Variants in ADAMTS17 observed in about 807,000 individuals in gnomAD.
ADAMTS17 encodes the protein ADAM metallopeptidase with thrombospondin type 1 motif 17.
ADAMTS17 carries 113 observed loss-of-function variants against 141.5 expected under a neutral mutation model. The observed-to-expected ratio is 0.80, with a 90% CI of 0.69 to 0.93. ADAMTS17 has a LOEUF of 0.93. Among genes scored for constraint, ADAMTS17 ranks in the 40% least tolerant of loss-of-function variants. ADAMTS17 has a pLI of 0.00. For missense variants in ADAMTS17, 1,659 were observed against 1,517.9 expected (o/e 1.09, Z -1.54); for synonymous variants, 768 against 630.6 (o/e 1.22, Z -3.27).
chr15:100,065,279 T>G (rs2033436866), intron 15 of ADAMTS17, among the ~76,000 whole-genome samples: 1 of 152,198 alleles, frequency 6.6e-6, no homozygotes, highest in Non-Finnish European at 1.5e-5. Context: ...TATGTACTTT[T>G]AAAAGATCAG....
intron 18 of ADAMTS17, among the ~76,000 whole-genome samples, chr15:100,044,084 C>T (rs2031486955): frequency 1.3e-5 from 2 of 152,288 alleles, no homozygotes; most frequent in East Asian, 1.9e-4. Flanking sequence ...GGCAAAATCA[C>T]GAACTTGATA....
At chr15:100,069,006 A>C (rs981516710) in intron 15 of ADAMTS17, among the ~76,000 whole-genome samples, 1 of 152,338 alleles carries the variant, frequency 6.6e-6, no homozygotes, top group Middle Eastern at 3.4e-3. Context: ...AAAAGATTAC[A>C]TGAATGGCTA....
At chr15:100,319,585 C>T (rs2045668115) in intron 3 of ADAMTS17, among the ~76,000 whole-genome samples, 1 of 152,148 alleles carries the variant, frequency 6.6e-6, no homozygotes, top group Admixed American at 6.5e-5. Context: ...GTGGCACGCA[C>T]CTGTAGTCCC....
intron 18 of ADAMTS17, among the ~76,000 whole-genome samples, chr15:100,038,310 A>C (rs995480350): frequency 2.6e-5 from 4 of 152,208 alleles, no homozygotes; most frequent in African/African-American, 9.7e-5. Context: ...TGAGGACTCC[A>C]ACTTTGTTAT....
intron 12 of ADAMTS17, among the ~76,000 whole-genome samples, chr15:100,126,700 C>T (rs1391065125): frequency 6.6e-6 from 1 of 152,198 alleles, no homozygotes; most frequent in Admixed American, 6.5e-5. Context: ...TTTGGAGGCA[C>T]TGGTATTGCA....
intron 4 of ADAMTS17, among the ~76,000 whole-genome samples, chr15:100,264,717 A>G (rs2043648250): frequency 6.6e-6 from 1 of 152,074 alleles, no homozygotes; most frequent in Non-Finnish European, 1.5e-5. Context: ...CCCATACACC[A>G]TTAGCCCAAA....
At chr15:100,090,111 G>C (rs1004278041) in intron 15 of ADAMTS17, among the ~76,000 whole-genome samples, 3 of 152,004 alleles carry the variant, frequency 2.0e-5, no homozygotes, top group Admixed American at 6.6e-5. Context: ...TTAGGATTGT[G>C]GCACAAAATA....
chr15:100,243,125 A>C (rs1181267705), intron 7 of ADAMTS17, among the ~76,000 whole-genome samples: 1 of 152,188 alleles, frequency 6.6e-6, no homozygotes, highest in Admixed American at 6.5e-5. Flanking sequence ...TAATGTCCTC[A>C]AGGTTCATCC....
rs747636994 is a variant in ADAMTS17, at chr15:100,341,261, G to A, written c.228C>T (p.Pro76=). The change falls in exon 2 of 22, where the codon CCC becomes CCT. Residue 76 remains proline, a synonymous_variant. Coordinates refer to ENST00000268070, the MANE Select transcript of ADAMTS17 (RefSeq NM_139057.4). ...RTPPAAPRAR[P]GERALLLHLP... ...GGTGCAGCAGCAGGGCGCGCTCTCC[G>A]GGCCGGGCGCGCGGGGCGGCTGGGG... The A allele has an allele frequency of 2.3e-5, 30 of 1,294,708 alleles. No homozygotes were observed. Among genetic ancestry groups the A allele is most frequent in the African/African-American group, 3.1e-5 (2 of 64,002 alleles). The allele number at this position is 1,294,708 out of a possible 1,614,324, so 80.2% of individuals were successfully genotyped here. A position where few individuals can be genotyped will look rare whatever the true frequency, so the allele number is the denominator to read the frequency against.
intron 18 of ADAMTS17, among the ~76,000 whole-genome samples, chr15:100,039,825 G>C (rs1367290702): frequency 6.6e-6 from 1 of 152,122 alleles, no homozygotes; most frequent in East Asian, 1.9e-4. Context: ...AGGTATTGAA[G>C]TCTCCAGTTA....
At chr15:100,209,449 G>T (rs2041716227) in intron 7 of ADAMTS17, among the ~76,000 whole-genome samples, 1 of 152,094 alleles carries the variant, frequency 6.6e-6, no homozygotes. Context: ...ACCCAAACAT[G>T]GGAAGCCAGC....
At chr15:100,300,041 C>T (rs1031291382) in intron 3 of ADAMTS17, among the ~76,000 whole-genome samples, 3 of 152,174 alleles carry the variant, frequency 2.0e-5, no homozygotes, top group African/African-American at 7.2e-5. Context: ...AAGAATAAAG[C>T]AATCCTTCAG....
At chr15:100,072,434 A>C (rs1461583860) in intron 15 of ADAMTS17, among the ~76,000 whole-genome samples, 1 of 150,310 alleles carries the variant, frequency 6.7e-6, no homozygotes, top group East Asian at 1.9e-4. Flanking sequence ...ACCAAAAAAG[A>C]GCCCGCATTG....
chr15:100,027,732 C>T (rs1035381413), intron 18 of ADAMTS17, among the ~76,000 whole-genome samples: 15 of 152,248 alleles, frequency 9.9e-5, no homozygotes, highest in African/African-American at 3.1e-4. Flanking sequence ...ATGGATACAG[C>T]GTCCTCAGCT....
intron 3 of ADAMTS17, among the ~76,000 whole-genome samples, chr15:100,286,952 G>A (rs1026245483): frequency 2.0e-5 from 3 of 152,232 alleles, no homozygotes; most frequent in African/African-American, 7.2e-5. Flanking sequence ...GACTTTGCAA[G>A]GCCGAAGTGG....
In ADAMTS17 at chr15:99,973,253, TG is replaced by T. The variant is rs1275401809; in HGVS notation, c.*1148del. 1 of 152,110 alleles carries T rather than the reference TG, an allele frequency of 6.6e-6. No homozygotes were observed. 9.4% of individuals were successfully genotyped at this position (152,110 alleles called of 1,614,324 possible). A position where few individuals can be genotyped will look rare whatever the true frequency, so the allele number is the denominator to read the frequency against. On this transcript the variant is annotated 3_prime_UTR_variant, in exon 22 of 22. Coordinates refer to ENST00000268070, the MANE Select transcript of ADAMTS17 (RefSeq NM_139057.4). ...TGATGATAATGGGTACCACAAAGTCTGGGGCTACAGGAAGGCTCGGCGGGTG... is the reference window on the plus strand; with the variant it reads ...TGATGATAATGGGTACCACAAAGTCTGGGCTACAGGAAGGCTCGGCGGGTG...
At chr15:100,054,941 T>C (rs536995749) in intron 15 of ADAMTS17, among the ~76,000 whole-genome samples, 1 of 152,316 alleles carries the variant, frequency 6.6e-6, no homozygotes, top group East Asian at 1.9e-4. Context: ...GTGAAGATCA[T>C]GTGGTTCTCA....
At chr15:100,091,310 G>A (rs1225616292) in intron 15 of ADAMTS17, among the ~76,000 whole-genome samples, 1 of 152,162 alleles carries the variant, frequency 6.6e-6, no homozygotes, top group African/African-American at 2.4e-5. Context: ...TTTACTCTCA[G>A]AATTTACAAG....
intron 7 of ADAMTS17, among the ~76,000 whole-genome samples, chr15:100,224,329 C>T (rs967352693): frequency 7.2e-5 from 11 of 152,130 alleles, no homozygotes; most frequent in Admixed American, 5.9e-4. Context: ...GTGGGGGGTA[C>T]AGATATACCA....
Sources: gnomAD v4.1 joint callset for allele counts (sites outside exome capture counted in the v4.1 genomes callset) on GRCh38, gnomAD v4.1.1 for gene constraint, MANE v1.5 for transcripts, NCBI Gene and HGNC (gene_info 2026-07-23, HGNC 2026-07-21) for gene names.